Variants in MYOM2 observed in about 807,000 individuals in gnomAD.
The protein encoded by MYOM2 is myomesin-2.
A neutral mutation model predicts 187.6 loss-of-function variants in MYOM2; 254 were observed. That is an observed-to-expected ratio of 1.35 (90% CI 1.22 to 1.50). MYOM2 has a LOEUF of 1.50. Ranked by LOEUF, MYOM2 falls within the 40% of genes most tolerant of loss-of-function variation. The probability of loss-of-function intolerance (pLI) is 0.00; values close to 1 mark genes in which losing one functional copy is unlikely to be tolerated. For missense variants in MYOM2, 2,796 were observed against 1,924.0 expected (o/e 1.45, Z -8.48); for synonymous variants, 981 against 753.8 (o/e 1.30, Z -4.94).
intron 28 of MYOM2, among the ~76,000 whole-genome samples, chr8:2,122,592 G>A (rs902162247): frequency 6.6e-6 from 1 of 152,168 alleles, no homozygotes; most frequent in Non-Finnish European, 1.5e-5. Flanking sequence ...TGTGAACATC[G>A]AATTGTGAGA....
intron 19 of MYOM2, among the ~76,000 whole-genome samples, chr8:2,099,474 G>T (rs935087408): frequency 1.3e-5 from 2 of 151,946 alleles, no homozygotes; most frequent in Non-Finnish European, 2.9e-5. Flanking sequence ...GCACGACAGG[G>T]TTCTCATTCG....
At chr8:2,133,266 C>T (rs768893637) in intron 32 of MYOM2, among the ~76,000 whole-genome samples, 1 of 152,220 alleles carries the variant, frequency 6.6e-6, no homozygotes, top group South Asian at 2.1e-4. Context: ...AGCCTAGAAG[C>T]AAATATTTCC....
At chr8:2,077,826 G>A (rs916452657) in intron 11 of MYOM2, among the ~76,000 whole-genome samples, 1 of 152,226 alleles carries the variant, frequency 6.6e-6, no homozygotes, top group Non-Finnish European at 1.5e-5. Flanking sequence ...CTCCTCCTCT[G>A]CCCTTCCTTT....
intron 18 of MYOM2, chr8:2,097,161 A>G: frequency 2.1e-6 from 2 of 950,170 alleles, no homozygotes; most frequent in Non-Finnish European, 2.5e-6. Flanking sequence ...GCCTTAGAAG[A>G]TCTAATCTTT....
intron 31 of MYOM2, among the ~76,000 whole-genome samples, chr8:2,128,263 CTA>C (rs1797725252): frequency 6.6e-6 from 1 of 152,264 alleles, no homozygotes; most frequent in East Asian, 1.9e-4. Context: ...TATGTAAAAA[CTA>C]AAAGTAATTT....
intron 25 of MYOM2, among the ~76,000 whole-genome samples, chr8:2,112,186 C>G (rs184121041): frequency 4.5e-4 from 68 of 152,184 alleles, no homozygotes; most frequent in Middle Eastern, 3.4e-3. Flanking sequence ...TGAAGTTGCC[C>G]TTACAGAGAC....
At chr8:2,088,379 G>A (rs530737710) in intron 14 of MYOM2, among the ~76,000 whole-genome samples, 4 of 152,346 alleles carry the variant, frequency 2.6e-5, no homozygotes, top group Admixed American at 6.5e-5. Flanking sequence ...AGTTGATCTC[G>A]TCACCCAGGT....
chr8:2,068,774 G>C lies in MYOM2; in HGVS notation c.654-504G>C, dbSNP rs529469907. On this transcript the variant is annotated intron_variant, in intron 6 of 36. Coordinates refer to ENST00000262113, the MANE Select transcript of MYOM2 (RefSeq NM_003970.4). ...TGCATGGAATGGACCCCCCCGCCATGGTTCAGGGCCTCCCTGAAGCAGCAC... is the reference window on the plus strand; with the variant it reads ...TGCATGGAATGGACCCCCCCGCCATCGTTCAGGGCCTCCCTGAAGCAGCAC... Among the ~76,000 whole-genome samples, 22 of 152,290 alleles carry C rather than the reference G, an allele frequency of 1.4e-4. No homozygotes were observed. In the South Asian group the frequency reaches 4.4e-3, roughly 30 times the overall value.
chr8:2,100,739 C>T, intron 19 of MYOM2, 137 bp from the exon 20 acceptor site: 8 of 800,270 alleles, frequency 1.0e-5, no homozygotes, highest in Non-Finnish European at 1.6e-5. Flanking sequence ...GGCTGATAAA[C>T]ATCAGATGGG....
At chr8:2,125,547 A>G (rs1193206282) in intron 31 of MYOM2, among the ~76,000 whole-genome samples, 2 of 140,648 alleles carry the variant, frequency 1.4e-5, no homozygotes, top group Non-Finnish European at 3.1e-5. Flanking sequence ...TTTCCTAAGG[A>G]TTGTTTAGGC....
intron 6 of MYOM2, among the ~76,000 whole-genome samples, chr8:2,065,830 G>A (rs1424690268): frequency 6.6e-6 from 1 of 152,130 alleles, no homozygotes; most frequent in Non-Finnish European, 1.5e-5. Flanking sequence ...GTTCATGTTG[G>A]GCTTCGTGCC....
intron 28 of MYOM2, among the ~76,000 whole-genome samples, chr8:2,122,165 G>A (rs1353919249): frequency 6.6e-6 from 1 of 152,196 alleles, no homozygotes; most frequent in African/African-American, 2.4e-5. Context: ...ATTGAAAACA[G>A]ACACCAAAGA....
chr8:2,090,189 C>T lies in MYOM2; in HGVS notation c.1826C>T (p.Thr609Ile), dbSNP rs1235492316. The T allele has an allele frequency of 1.9e-6, 3 of 1,611,798 alleles. No individual in the cohort carries two copies. Among genetic ancestry groups the T allele is most frequent in the African/African-American group, 2.7e-5 (2 of 74,878 alleles). The change falls in exon 15 of 37, where the codon ACC becomes ATC. Residue 609 changes from threonine (T) to isoleucine (I), a missense_variant and splice_region_variant. Thr to Ile is a moderately conservative substitution (Grantham distance 89). Transcript: ENST00000262113. ...TCCCCCATTCAGGCCCAGGATGTGA[C>T]CGGTGAGCTGTCACACTGGGTGGCC... ...ITSPIQAQDV[T>I]VVPSAPGRVL...
chr8:2,058,314 G>C (rs1007583915), intron 5 of MYOM2, among the ~76,000 whole-genome samples: 16 of 152,100 alleles, frequency 1.1e-4, no homozygotes, highest in African/African-American at 3.9e-4. Flanking sequence ...CCACACGCCT[G>C]ACCAGAGTGT....
At chr8:2,113,341 C>T (rs796926996) in intron 25 of MYOM2, among the ~76,000 whole-genome samples, 64 of 152,338 alleles carry the variant, frequency 4.2e-4, no homozygotes, top group African/African-American at 1.5e-3. Context: ...CAACACAATC[C>T]ACTAGCAGCC....
intron 25 of MYOM2, among the ~76,000 whole-genome samples, chr8:2,114,431 A>AT (rs1195492396): frequency 2.6e-5 from 4 of 152,128 alleles, no homozygotes; most frequent in Non-Finnish European, 5.9e-5. Flanking sequence ...GTGTGGGCAA[A>AT]TGTTTGTGGT....
At chr8:2,120,688 AAATATATAAT>A (rs1797416121) in intron 28 of MYOM2, among the ~76,000 whole-genome samples, 3 of 82,540 alleles carry the variant, frequency 3.6e-5, no homozygotes, top group African/African-American at 1.3e-4. Flanking sequence ...TATTATATAT[AAATATATAAT>A]ATATATATTT....
chr8:2,049,111 G>C (rs1446514084), intron 1 of MYOM2, among the ~76,000 whole-genome samples: 1 of 152,148 alleles, frequency 6.6e-6, no homozygotes, highest in Non-Finnish European at 1.5e-5. Flanking sequence ...TGTTCTATGA[G>C]GTGCAACGTT....
In MYOM2 at chr8:2,059,023, C is replaced by G. The variant is rs1818764760; in HGVS notation, c.561-130C>G. On this transcript the variant is annotated intron_variant, in intron 5 of 36. Transcript: ENST00000262113. ...CTGGGCCTCACCGTCAGGGCTCTGT[C>G]CTCCTCCCGCCTGAGGCTCTAAGGG... 3 of 710,454 alleles carry G rather than the reference C, an allele frequency of 4.2e-6. No homozygotes were observed. In the East Asian group the frequency reaches 8.0e-5, roughly 19 times the overall value. 44.0% of individuals were successfully genotyped at this position (710,454 alleles called of 1,614,324 possible).
Sources: allele counts gnomAD v4.1 joint callset (sites outside exome capture counted in the v4.1 genomes callset), GRCh38; gene constraint gnomAD v4.1.1; transcripts MANE v1.5; gene names NCBI Gene and HGNC (gene_info 2026-07-23, HGNC 2026-07-21).